Variants in MIER3 observed in about 807,000 individuals in gnomAD.
The protein encoded by MIER3 is mesoderm induction early response protein 3.
A neutral mutation model predicts 63.2 loss-of-function variants in MIER3; 9 were observed. The ratio of observed to expected loss-of-function variants is 0.14; its 90% CI spans 0.09 to 0.25. The LOEUF (loss-of-function observed/expected upper bound fraction) is 0.25, where lower values mean the gene tolerates loss of function less well. MIER3 is among the 10% of genes least tolerant of loss of function. The probability of loss-of-function intolerance (pLI) is 1.00; values close to 1 mark genes in which losing one functional copy is unlikely to be tolerated. For synonymous variants in MIER3, 205 were observed against 224.9 expected (o/e 0.91, Z 0.79); for missense variants, 512 against 666.2 (o/e 0.77, Z 2.55).
At chr5:56,939,135 G>C (rs1429343652) in intron 3 of MIER3, 118 bp from the exon 4 acceptor site, 1 of 1,121,118 alleles carries the variant, frequency 8.9e-7, no homozygotes, top group Non-Finnish European at 1.2e-6. Context: ...ACAAATCAAA[G>C]GCAAGTTTCA....
At position 56,952,084 on chromosome 5, in the gene MIER3, C is replaced by T. The variant is rs895616713; in HGVS notation, c.9+10G>A. The T allele has an allele frequency of 6.9e-6, 9 of 1,302,786 alleles. No individual in the cohort carries two copies. The highest frequency in any genetic ancestry group is 1.6e-5 in the African/African-American group (1 of 63,696). 80.7% of individuals were successfully genotyped at this position (1,302,786 alleles called of 1,614,324 possible). A position where few individuals can be genotyped will look rare whatever the true frequency, so the allele number is the denominator to read the frequency against. ...CAGCCCGGCTGCTCCTGCCCGGTTTCCCTGCTCACCTCCGCCATATTGGTA... is the reference window on the plus strand; with the variant it reads ...CAGCCCGGCTGCTCCTGCCCGGTTTTCCTGCTCACCTCCGCCATATTGGTA... On this transcript the variant is annotated intron_variant, in intron 1 of 12. Coordinates refer to ENST00000381199, the MANE Select transcript of MIER3 (RefSeq NM_001297599.2).
intron 4 of MIER3, chr5:56,938,447 G>C: frequency 2.2e-6 from 1 of 459,890 alleles, no homozygotes; most frequent in Non-Finnish European, 4.5e-6. Context: ...GTTAGAGATG[G>C]ATCACCGCGG....
chr5:56,932,882 G>C (rs1750320591), intron 8 of MIER3, among the ~76,000 whole-genome samples: 1 of 152,056 alleles, frequency 6.6e-6, no homozygotes, highest in African/African-American at 2.4e-5. Flanking sequence ...ACAGTATGTT[G>C]AAATTTAGGG....
rs747978329 is a variant in MIER3, at chr5:56,928,875, T to C, written c.830-14A>G. The C allele has an allele frequency of 6.2e-6, 10 of 1,604,564 alleles. No homozygotes were observed. The Admixed American group carries it at 1.7e-4, about 27-fold the overall frequency. ...CAGTCATTCCTTCTAAGAAAAATTT[T>C]AAAATAAAATTTATGGGCCCCCAAA... is the stretch of plus-strand genomic sequence containing the variant. On this transcript the variant is annotated splice_polypyrimidine_tract_variant and intron_variant, in intron 9 of 12. Coordinates refer to ENST00000381199, the MANE Select transcript of MIER3 (RefSeq NM_001297599.2).
At chr5:56,940,813 T>C (rs1579857201) in intron 3 of MIER3, among the ~76,000 whole-genome samples, 1 of 152,324 alleles carries the variant, frequency 6.6e-6, no homozygotes, top group East Asian at 1.9e-4. Flanking sequence ...GACTCAAATT[T>C]AGAGTCTCTC....
At chr5:56,950,573 T>C in intron 2 of MIER3, 55 bp downstream of exon 2, 2 of 1,586,918 alleles carry the variant, frequency 1.3e-6, no homozygotes, top group Non-Finnish European at 1.7e-6. Context: ...CAACAGACCT[T>C]TGAGCCCACA....
rs1053652306 is a variant in MIER3, at chr5:56,947,137, T to G, written c.35-66A>C. 22 of 1,519,026 alleles carry G rather than the reference T, an allele frequency of 1.4e-5. No homozygotes were observed. In the Admixed American group the frequency reaches 1.9e-4, roughly 13 times the overall value. 94.1% of individuals were successfully genotyped at this position (1,519,026 alleles called of 1,614,324 possible). ...GCTATTAACAAAAGAAAATAAAAAT[T>G]TGTGTTCTTCTGCCAGTCCCTTTTC... is the stretch of plus-strand genomic sequence containing the variant. On this transcript the variant is annotated intron_variant, in intron 2 of 12. Transcript: ENST00000381199.
chr5:56,932,825 CCA>C (rs747489341), intron 8 of MIER3, among the ~76,000 whole-genome samples: 3 of 151,882 alleles, frequency 2.0e-5, no homozygotes, highest in Non-Finnish European at 4.4e-5. Flanking sequence ...AAAAGTCCAA[CCA>C]CAGAGAATGT....
chr5:56,945,240 A>C (rs1486727471), intron 3 of MIER3, among the ~76,000 whole-genome samples: 2 of 152,166 alleles, frequency 1.3e-5, no homozygotes, highest in Non-Finnish European at 2.9e-5. Context: ...AGGCAGGTGG[A>C]CTGCCTGAGG....
chr5:56,938,123 T>A (rs1750517184), intron 4 of MIER3, among the ~76,000 whole-genome samples: 1 of 152,246 alleles, frequency 6.6e-6, no homozygotes, highest in South Asian at 2.1e-4. Context: ...CACTGACTAC[T>A]GACATAATTT....
Position 56,923,129 on chromosome 5 carries a change from C to T in MIER3, c.1652G>A (p.Ter551=). The part of the protein sequence containing the change: ...LHQHAALHSE[*] ...GCAGTTCCGGGATCCTCACTCAGGTCACTCAGAGTGTAGGGCCGCGTGCTG... is the reference window on the plus strand; with the variant it reads ...GCAGTTCCGGGATCCTCACTCAGGTTACTCAGAGTGTAGGGCCGCGTGCTG... Residue 551 remains the stop codon, a stop_retained_variant, in exon 13 of 13, where the codon TGA becomes TAA. Transcript: ENST00000381199. 1 of 1,611,442 alleles carries T rather than the reference C, an allele frequency of 6.2e-7. No homozygotes were observed. Among genetic ancestry groups the T allele is most frequent in the Non-Finnish European group, 8.5e-7 (1 of 1,177,792 alleles).
At chr5:56,941,626 G>C (rs994118462) in intron 3 of MIER3, 1 of 152,270 alleles carries the variant, frequency 6.6e-6, no homozygotes, top group African/African-American at 2.4e-5. Context: ...GAGAGGCAGG[G>C]ACAGATCGCA....
chr5:56,935,429 T>C lies in MIER3; in HGVS notation c.594A>G (p.Lys198=), dbSNP rs770812596. The C allele has an allele frequency of 3.2e-6, 5 of 1,580,296 alleles. No homozygotes were observed. The highest frequency in any genetic ancestry group is 3.4e-6 in the Non-Finnish European group (4 of 1,168,724). ...ATCAAAATCAAAAGCTTTCCTTACC[T>C]TTCTCATTACCATCGTACTCTCCAA... ...PYLGEYDGNE[K]VYENEDQLLW... is the part of the protein sequence containing the mutation. Residue 198 remains lysine (K), a splice_region_variant and synonymous_variant, in exon 7 of 13, where the codon AAA becomes AAG. Coordinates refer to ENST00000381199, the MANE Select transcript of MIER3 (RefSeq NM_001297599.2).
At chr5:56,938,344 A>T in intron 4 of MIER3, 1 of 471,152 alleles carries the variant, frequency 2.1e-6, no homozygotes, top group South Asian at 1.5e-5. Flanking sequence ...GAGATCTGAA[A>T]GGCAAGGAAA....
intron 6 of MIER3, 49 bp from the exon 7 acceptor site, chr5:56,935,549 G>A: frequency 4.0e-6 from 6 of 1,485,680 alleles, no homozygotes; most frequent in East Asian, 2.3e-5. Context: ...AAAAAATACT[G>A]AAAAAAAGCC....
At chr5:56,924,092 T>C in intron 10 of MIER3, 50 bp from the exon 11 acceptor site, 3 of 1,580,090 alleles carry the variant, frequency 1.9e-6, no homozygotes, top group Non-Finnish European at 2.6e-6. Context: ...AACCATTTTT[T>C]TAAGCAACTT....
chr5:56,939,508 C>T (rs1292456417), intron 3 of MIER3, among the ~76,000 whole-genome samples: 1 of 152,156 alleles, frequency 6.6e-6, no homozygotes, highest in Non-Finnish European at 1.5e-5. Flanking sequence ...AACAATTATC[C>T]TTTTATATTC....
At chr5:56,930,807 G>A in intron 8 of MIER3, 62 bp from the exon 9 acceptor site, 1 of 1,322,262 alleles carries the variant, frequency 7.6e-7, no homozygotes, top group Non-Finnish European at 1.1e-6. Context: ...TTAAAAAACA[G>A]GTGTAAGAGT....
At chr5:56,935,798 A>G in intron 5 of MIER3, 47 bp from the exon 6 acceptor site, 1 of 1,410,410 alleles carries the variant, frequency 7.1e-7, no homozygotes, top group Non-Finnish European at 1.0e-6. Context: ...ATTTTTGCAG[A>G]ACCTGGAAGA....
Sources: allele counts gnomAD v4.1 joint callset (sites outside exome capture counted in the v4.1 genomes callset), GRCh38; gene constraint gnomAD v4.1.1; transcripts MANE v1.5; gene names NCBI Gene and HGNC (gene_info 2026-07-23, HGNC 2026-07-21).